SDK1: variants seen among roughly 807,000 people sequenced by gnomAD.
SDK1 encodes the protein sidekick cell adhesion molecule 1.
Under a neutral mutation model 245.5 loss-of-function variants are expected in SDK1, and 157 were observed. The ratio of observed to expected loss-of-function variants is 0.64; its 90% CI spans 0.56 to 0.73. The LOEUF is 0.73. Ranked by LOEUF, SDK1 falls within the 30% of genes least tolerant of loss-of-function variation. The pLI, the probability that SDK1 is intolerant of heterozygous loss-of-function variation, is 0.00. For missense variants in SDK1, 3,583 were observed against 3,002.3 expected, an observed-to-expected ratio of 1.19 and a Z score of -4.52; for synonymous variants, 1,647 against 1,278.5, an observed-to-expected ratio of 1.29 and a Z score of -6.15.
chr7:3,779,397 A>G (rs1408532065), intron 4 of SDK1, among the ~76,000 whole-genome samples: 2 of 152,134 alleles, frequency 1.3e-5, no homozygotes, highest in East Asian at 1.9e-4. Context: ...GATGGGAGAC[A>G]TCGAACAGTA....
Position 4,077,052 on chromosome 7 carries a change from C to A in SDK1, c.3065C>A (p.Thr1022Asn). The A allele has an allele frequency of 6.2e-7, 1 of 1,614,194 alleles. No individual in the cohort carries two copies. Among genetic ancestry groups the A allele is most frequent in the Non-Finnish European group, 8.5e-7 (1 of 1,180,030 alleles). The change falls in exon 21 of 45, where the codon ACC (threonine) becomes AAC (asparagine). Residue 1022 changes from threonine to asparagine, a missense_variant. Transcript: ENST00000404826. ...YGRNDSRLTH[T>N]LNSTTHEYKI... ...AGGAACGACTCTCGTCTCACGCACA[C>A]CCTGAACAGCACGACGCACGAGTAC... is the stretch of plus-strand genomic sequence containing the variant.
At chr7:3,720,567 G>A (rs6972682) in intron 4 of SDK1, among the ~76,000 whole-genome samples, 4,340 of 152,190 alleles carry the variant, frequency 0.029, 213 homozygotes, top group African/African-American at 0.1. Flanking sequence ...AAATAAAAAA[G>A]TTGATAGCAC....
chr7:4,050,332 G>A (rs1789357031), intron 18 of SDK1, among the ~76,000 whole-genome samples: 2 of 152,192 alleles, frequency 1.3e-5, no homozygotes, highest in African/African-American at 2.4e-5. Context: ...AATTTTCCCT[G>A]CCTTTCGTTT....
At chr7:3,597,143 G>C (rs1478634283) in intron 1 of SDK1, among the ~76,000 whole-genome samples, 1 of 151,832 alleles carries the variant, frequency 6.6e-6, no homozygotes, top group Non-Finnish European at 1.5e-5. Flanking sequence ...GTGGTGGCGG[G>C]TGCCTGTAGT....
intron 16 of SDK1, among the ~76,000 whole-genome samples, chr7:4,015,730 C>G (rs1270411662): frequency 6.6e-6 from 1 of 152,200 alleles, no homozygotes; most frequent in Non-Finnish European, 1.5e-5. Context: ...ATAACGCTGT[C>G]CCTTCCCTGA....
Position 3,958,941 on chromosome 7 carries a change from T to A in SDK1, c.1161T>A (p.Tyr387Ter). 6.2e-7 allele frequency: 1 copy of A among 1,613,844 alleles called. No individual in the cohort carries two copies. Among genetic ancestry groups the A allele is most frequent in the Non-Finnish European group, 8.5e-7 (1 of 1,179,774 alleles). Reference sequence around the variant, plus strand: ...TTTTCTTGTTTGAAGAGCCACCATATTTTACTGCTGAGCCCGAGAGTCGGA... The same window carrying A: ...TTTTCTTGTTTGAAGAGCCACCATAATTTACTGCTGAGCCCGAGAGTCGGA... ...TAFLFIIEPP[Y>*]FTAEPESRIS... Residue 387 changes from tyrosine (Y) to a stop codon, truncating the protein, a stop_gained, in exon 8 of 45, where the codon TAT becomes TAA. Coordinates refer to ENST00000404826, the MANE Select transcript of SDK1 (RefSeq NM_152744.4). LOFTEE classifies it high-confidence loss of function.
chr7:3,768,754 A>G (rs115092111), intron 4 of SDK1, among the ~76,000 whole-genome samples: 1,960 of 152,222 alleles, frequency 0.013, 41 homozygotes, highest in African/African-American at 0.045. Context: ...ATAGTCACCA[A>G]TGCTTCACAC....
intron 35 of SDK1, among the ~76,000 whole-genome samples, chr7:4,198,919 T>C (rs1243468293): frequency 6.6e-6 from 1 of 151,794 alleles, no homozygotes; most frequent in Non-Finnish European, 1.5e-5. Flanking sequence ...GTTCCTGCCA[T>C]TCTCCTGCCT....
chr7:3,724,714 G>A (rs1434128558), intron 4 of SDK1, among the ~76,000 whole-genome samples: 1 of 152,168 alleles, frequency 6.6e-6, no homozygotes, highest in Non-Finnish European at 1.5e-5. Context: ...GGGCTGCTTG[G>A]GTCCTGCAGT....
chr7:3,986,758 G>T (rs1430928152), intron 13 of SDK1, among the ~76,000 whole-genome samples: 1 of 152,208 alleles, frequency 6.6e-6, no homozygotes, highest in Non-Finnish European at 1.5e-5. Flanking sequence ...CTACTAGGGA[G>T]ACTGAGGCAG....
At chr7:3,746,313 AG>A (rs1409904995) in intron 4 of SDK1, among the ~76,000 whole-genome samples, 1 of 152,208 alleles carries the variant, frequency 6.6e-6, no homozygotes, top group Non-Finnish European at 1.5e-5. Flanking sequence ...TTGATGGTAC[AG>A]GGTCTTACCT....
At chr7:3,367,147 TTTTATTTA>T (rs61289936) in intron 1 of SDK1, among the ~76,000 whole-genome samples, 2 of 151,556 alleles carry the variant, frequency 1.3e-5, no homozygotes, top group African/African-American at 4.8e-5. Context: ...TACAATTTTA[TTTTATTTA>T]TTTATTTATT....
intron 14 of SDK1, among the ~76,000 whole-genome samples, chr7:4,007,744 C>T (rs1039353292): frequency 2.8e-4 from 42 of 152,182 alleles, no homozygotes; most frequent in African/African-American, 9.6e-4. Context: ...GCTGCGATTA[C>T]AGGCACCTGC....
intron 4 of SDK1, among the ~76,000 whole-genome samples, chr7:3,731,851 G>A (rs991621330): frequency 2.0e-5 from 3 of 152,136 alleles, no homozygotes; most frequent in Non-Finnish European, 4.4e-5. Context: ...GAGTGCAGTG[G>A]CGTGATGTTG....
intron 2 of SDK1, among the ~76,000 whole-genome samples, chr7:3,634,164 T>A (rs1782385294): frequency 6.6e-6 from 1 of 152,136 alleles, no homozygotes; most frequent in Admixed American, 6.6e-5. Flanking sequence ...CAGCCTTTAA[T>A]TTGAGATAAG....
chr7:3,483,979 G>C (rs1448130300), intron 1 of SDK1, among the ~76,000 whole-genome samples: 2 of 152,122 alleles, frequency 1.3e-5, no homozygotes, highest in Non-Finnish European at 2.9e-5. Context: ...GTGATATTTT[G>C]ATATACGCAT....
At chr7:4,142,485 C>T (rs58173810) in intron 28 of SDK1, among the ~76,000 whole-genome samples, 2 of 152,128 alleles carry the variant, frequency 1.3e-5, no homozygotes, top group African/African-American at 4.8e-5. Context: ...CCCGCCATCA[C>T]GCCCGGCTAA....
At chr7:4,017,942 G>A (rs942677472) in intron 17 of SDK1, among the ~76,000 whole-genome samples, 1 of 152,120 alleles carries the variant, frequency 6.6e-6, no homozygotes, top group Non-Finnish European at 1.5e-5. Context: ...ATCCGGGTGC[G>A]GCGTGGCAGG....
At chr7:3,487,005 A>G (rs921807392) in intron 1 of SDK1, among the ~76,000 whole-genome samples, 1 of 152,068 alleles carries the variant, frequency 6.6e-6, no homozygotes, top group Non-Finnish European at 1.5e-5. Flanking sequence ...GAGGTTGGCA[A>G]TTTTTTCTTG....
Sources: gnomAD v4.1 joint callset for allele counts (sites outside exome capture counted in the v4.1 genomes callset) on GRCh38, gnomAD v4.1.1 for gene constraint, MANE v1.5 for transcripts, NCBI Gene and HGNC (gene_info 2026-07-23, HGNC 2026-07-21) for gene names.